LRRC4B: variants seen among roughly 807,000 people sequenced by gnomAD.
LRRC4B encodes leucine rich repeat containing 4B.
A neutral mutation model predicts 7.3 loss-of-function variants in LRRC4B; 1 was observed. The observed-to-expected ratio is 0.14, with a 90% confidence interval of 0.05 to 0.65. LRRC4B has a LOEUF of 0.65. Ranked by LOEUF, LRRC4B falls within the 30% of genes least tolerant of loss-of-function variation. LRRC4B has a pLI of 0.84. For missense variants in LRRC4B, 730 were observed against 1,041.6 expected (o/e 0.70, Z 4.12); for synonymous variants, 500 against 499.2 (o/e 1.00, Z -0.02).
intron 2 of LRRC4B, among the ~76,000 whole-genome samples, chr19:50,538,344 C>G (rs1981382882): frequency 6.6e-6 from 1 of 151,400 alleles, no homozygotes; most frequent in South Asian, 2.1e-4. Context: ...ATTACAGGCG[C>G]GAGCCACCGC....
At position 50,547,337 on chromosome 19, in the gene LRRC4B, C is replaced by A. The variant is rs566098104; in HGVS notation, c.297+1205G>T. ...GAAGGGACTGCTCCCCTGAGAGGTC[C>A]CTTTTCTTCCCTGAATCTGGCTCTC... On this transcript the variant is annotated intron_variant, in intron 2 of 2. Coordinates refer to ENST00000652263, the MANE Select transcript of LRRC4B (RefSeq NM_001080457.2). Among the ~76,000 whole-genome samples the A allele has an allele frequency of 2.5e-3, 386 of 152,206 alleles. 2 individuals are homozygous for A. The highest frequency in any genetic ancestry group is 8.8e-3 in the African/African-American group (367 of 41,528).
In LRRC4B at chr19:50,519,405, G is replaced by A. The variant is rs747121793; in HGVS notation, c.308C>T (p.Thr103Met). The A allele has an allele frequency of 6.3e-6, 10 of 1,594,570 alleles. No homozygotes were observed. The highest frequency in any genetic ancestry group is 3.3e-5 in the South Asian group (3 of 90,214). ...GTGCCGCAGGTGCTTGAACGTGTCC[G>A]TCCGGATCACCTGGGGAGAGGGAGA... is the stretch of plus-strand genomic sequence containing the variant. ...LQENGIQVIR[T>M]DTFKHLRHLE... The change falls in exon 3 of 3, where the codon ACG becomes ATG. Residue 103 changes from threonine to methionine, a missense_variant. Coordinates refer to ENST00000652263, the MANE Select transcript of LRRC4B (RefSeq NM_001080457.2). The surrounding 1 kb of genome is among the most constrained non-coding windows in gnomAD (Gnocchi z 8.1).
rs1568715936 is a variant in LRRC4B at position 50,520,220 on chromosome 19, AAAAAAAAAAAAAAAAAAAAAAAAAAAAG to A, written c.298-833_298-806del. Among the ~76,000 whole-genome samples the A allele has an allele frequency of 4.5e-3, 294 of 65,114 alleles. 27 individuals are homozygous for A. The highest frequency in any genetic ancestry group is 0.017 in the African/African-American group (260 of 14,904). 42.7% of individuals were successfully genotyped at this position (65,114 alleles called of 152,430 possible). On this transcript the variant is annotated intron_variant, in intron 2 of 2. Coordinates refer to ENST00000652263, the MANE Select transcript of LRRC4B (RefSeq NM_001080457.2). The stretch of plus-strand genomic sequence containing the variant: ...TACCCTGTCAAAAAAAAAAAAAAAA[AAAAAAAAAAAAAAAAAAAAAAAAAAAAG>A]AAGAAAAGAAAAGAAAAATGAACAA...
chr19:50,536,934 G>A (rs578042026), intron 2 of LRRC4B, among the ~76,000 whole-genome samples: 1 of 152,242 alleles, frequency 6.6e-6, no homozygotes, highest in South Asian at 2.1e-4. Flanking sequence ...TTGCAGAAAG[G>A]TGTCCCCTAG....
rs779023193 is a variant in LRRC4B at position 50,548,832 on chromosome 19, G to A, written c.7C>T (p.Arg3Cys). 33 of 1,477,146 alleles carry A rather than the reference G, an allele frequency of 2.2e-5. No individual in the cohort carries two copies. The highest frequency in any genetic ancestry group is 1.9e-4 in the Admixed American group (8 of 43,158). The allele number at this position is 1,477,146 out of a possible 1,614,324, so 91.5% of individuals were successfully genotyped here. Residue 3 changes from arginine to cysteine, a missense_variant, in exon 2 of 3, where the codon CGT (arginine) becomes TGT (cysteine). Arg to Cys is a radical substitution (Grantham distance 180). Transcript: ENST00000652263. This position sits in a 1 kb window ranked among gnomAD's most constrained non-coding sequence, Gnocchi z 6.8. MA[R>C]ARGSPCPPLP... ...GGGGGGCACGGGGAGCCGCGGGCAC[G>A]CGCCATCCTCAATGTTCATGCTCCG...
At chr19:50,521,180 G>A (rs536927149) in intron 2 of LRRC4B, among the ~76,000 whole-genome samples, 5 of 152,236 alleles carry the variant, frequency 3.3e-5, no homozygotes, top group South Asian at 2.1e-4. Flanking sequence ...AGCAAAAGAC[G>A]CCGAACACAA....
rs920367609 is a variant in LRRC4B at position 50,568,278 on chromosome 19, GCCTT to G, written c.-374_-371del. Reference sequence around the variant, plus strand: ...TTCTTTCCTGGCTTCCTTCCTTCCAGCCTTCCTTCCTTCCTTCCTCCCTCCTCGG... The same window carrying G: ...TTCTTTCCTGGCTTCCTTCCTTCCAGCCTTCCTTCCTTCCTCCCTCCTCGG... On this transcript the variant is annotated 5_prime_UTR_variant, in exon 1 of 3. Coordinates refer to ENST00000652263, the MANE Select transcript of LRRC4B (RefSeq NM_001080457.2). Among the ~76,000 whole-genome samples, 10 of 151,138 alleles carry G rather than the reference GCCTT, an allele frequency of 6.6e-5. No individual in the cohort carries two copies. The highest frequency in any genetic ancestry group is 2.0e-4 in the East Asian group (1 of 4,998).
Position 50,548,892 on chromosome 19 carries a change from AG to A in LRRC4B, c.-35-20del. 1.4e-6 allele frequency: 1 copy of A among 737,756 alleles called. No individual in the cohort carries two copies. Among genetic ancestry groups the A allele is most frequent in the Non-Finnish European group, 2.0e-6 (1 of 489,862 alleles). The allele number at this position is 737,756 out of a possible 1,614,324, so 45.7% of individuals were successfully genotyped here. On this transcript the variant is annotated intron_variant, in intron 1 of 2. Coordinates refer to ENST00000652263, the MANE Select transcript of LRRC4B (RefSeq NM_001080457.2). This position sits in a 1 kb window ranked among gnomAD's most constrained non-coding sequence, Gnocchi z 6.8. ...TGGGGGGCTGTGGGTGGGGGAGAGA[AG>A]GGGGAGAGGCTTGGTGAGGGACAGG...
intron 1 of LRRC4B, among the ~76,000 whole-genome samples, chr19:50,561,929 C>G (rs746089202): frequency 2.7e-5 from 4 of 149,680 alleles, no homozygotes; most frequent in Non-Finnish European, 5.9e-5. Context: ...AACGGTGTCT[C>G]TACCATAAAA....
intron 2 of LRRC4B, among the ~76,000 whole-genome samples, chr19:50,524,586 C>T (rs1176582355): frequency 6.6e-6 from 1 of 152,094 alleles, no homozygotes; most frequent in African/African-American, 2.4e-5. Flanking sequence ...CTAGAAGCCA[C>T]ATTGAAATAA....
intron 2 of LRRC4B, among the ~76,000 whole-genome samples, chr19:50,547,011 G>A (rs543956991): frequency 3.0e-4 from 45 of 152,290 alleles, no homozygotes; most frequent in African/African-American, 9.4e-4. Flanking sequence ...CGGTGCTGCC[G>A]GTGTCTGTTG....
intron 2 of LRRC4B, among the ~76,000 whole-genome samples, chr19:50,541,076 C>T (rs767957749): frequency 6.6e-6 from 1 of 151,366 alleles, no homozygotes; most frequent in East Asian, 1.9e-4. Flanking sequence ...CCCAGCTACT[C>T]GGGAGGCTGA....
At chr19:50,530,315 C>G (rs796727852) in intron 2 of LRRC4B, among the ~76,000 whole-genome samples, 6 of 152,316 alleles carry the variant, frequency 3.9e-5, no homozygotes, top group African/African-American at 1.4e-4. Context: ...GCCTGGGCAT[C>G]TGCCTTTCTC....
chr19:50,558,887 G>T (rs1982370310), intron 1 of LRRC4B, among the ~76,000 whole-genome samples: 1 of 152,216 alleles, frequency 6.6e-6, no homozygotes, highest in Admixed American at 6.5e-5. Flanking sequence ...ATCACAGCTG[G>T]AGAAATGGAA....
In LRRC4B at chr19:50,540,652, G is replaced by C. The variant is rs115778028; in HGVS notation, c.297+7890C>G. On this transcript the variant is annotated intron_variant, in intron 2 of 2. Coordinates refer to ENST00000652263, the MANE Select transcript of LRRC4B (RefSeq NM_001080457.2). Reference sequence around the variant, plus strand: ...GTTACAGGCGTGAGGCACCACGCTCGGCCAGCATTAGATTCTCATAGGAAC... The same window carrying C: ...GTTACAGGCGTGAGGCACCACGCTCCGCCAGCATTAGATTCTCATAGGAAC... Among the ~76,000 whole-genome samples the C allele has an allele frequency of 4.9e-3, 748 of 151,854 alleles. 7 individuals carry two copies. Among genetic ancestry groups the C allele is most frequent in the African/African-American group, 0.017 (687 of 41,446 alleles).
Position 50,517,060 on chromosome 19 carries a change from C to A in LRRC4B, c.*511G>T, listed in dbSNP as rs1331715856. The A allele has an allele frequency of 6.6e-6, 1 of 151,994 alleles. No homozygotes were observed. The highest frequency in any genetic ancestry group is 2.4e-5 in the African/African-American group (1 of 41,378). The allele number at this position is 151,994 out of a possible 1,614,324, so 9.4% of individuals were successfully genotyped here. ...CCCCCCGCGCCGACGACAGGGACCG[C>A]CGGCCGGGAGCAGAGCCGGGCGCTG... On this transcript the variant is annotated 3_prime_UTR_variant, in exon 3 of 3. Coordinates refer to ENST00000652263, the MANE Select transcript of LRRC4B (RefSeq NM_001080457.2). The surrounding 1 kb of genome is among the most constrained non-coding windows in gnomAD (Gnocchi z 6.6).
rs1372574982 is a variant in LRRC4B at position 50,564,308 on chromosome 19, C to T, written c.-36+3636G>A. On this transcript the variant is annotated intron_variant, in intron 1 of 2. Coordinates refer to ENST00000652263, the MANE Select transcript of LRRC4B (RefSeq NM_001080457.2). ...TGTTGAAAGCACTGGGGGAAAATAA[C>T]CCTCTTGGGCCGCCCGGAGGACCCC... 2.0e-5 allele frequency among the ~76,000 whole-genome samples: 3 copies of T among 152,126 alleles called. No homozygotes were observed. The East Asian group carries it at 5.8e-4, about 29-fold the overall frequency.
At chr19:50,522,993 A>G (rs963784054) in intron 2 of LRRC4B, among the ~76,000 whole-genome samples, 10 of 152,260 alleles carry the variant, frequency 6.6e-5, no homozygotes, top group African/African-American at 2.4e-4. Context: ...GCCCAAGGTC[A>G]CACAGAAGTG....
At chr19:50,565,490 G>A (rs1436799622) in intron 1 of LRRC4B, among the ~76,000 whole-genome samples, 3 of 151,704 alleles carry the variant, frequency 2.0e-5, no homozygotes, top group Non-Finnish European at 4.4e-5. Flanking sequence ...GTTCCATATC[G>A]GGGTCTCTGG....
Sources: allele counts gnomAD v4.1 joint callset (sites outside exome capture counted in the v4.1 genomes callset), GRCh38; gene constraint gnomAD v4.1.1; non-coding constraint Gnocchi (gnomAD v3.1); transcripts MANE v1.5; gene names NCBI Gene and HGNC (gene_info 2026-07-23, HGNC 2026-07-21).